Variants in ELFN2 observed in about 807,000 individuals in gnomAD.
ELFN2 encodes the protein protein phosphatase 1 regulatory subunit 29.
Under a neutral mutation model 45.5 loss-of-function variants are expected in ELFN2, and 17 were observed. The ratio of observed to expected loss-of-function variants is 0.37; its 90% CI spans 0.26 to 0.56. ELFN2 has a LOEUF of 0.56. Ranked by LOEUF, ELFN2 falls within the 20% of genes least tolerant of loss-of-function variation. The pLI, the probability that ELFN2 is intolerant of heterozygous loss-of-function variation, is 0.77. For synonymous variants in ELFN2, 550 were observed against 551.5 expected, an observed-to-expected ratio of 1.00 and a Z score of 0.04; for missense variants, 922 against 1,183.2, an observed-to-expected ratio of 0.78 and a Z score of 3.24.
chr22:37,369,369 C>G lies in ELFN2; in HGVS notation c.*3703G>C, dbSNP rs1297105472. On this transcript the variant is annotated 3_prime_UTR_variant, in exon 3 of 3. Transcript: ENST00000402918. The stretch of plus-strand genomic sequence containing the variant: ...TCTCTTTACTCCCACCCTCCTCGCT[C>G]CCCTGACAGCCCTTTTCCCAGACCT... The G allele has an allele frequency of 6.6e-6, 1 of 152,424 alleles. No individual in the cohort carries two copies. The highest frequency in any genetic ancestry group is 1.5e-5 in the Non-Finnish European group (1 of 68,210). The allele number at this position is 152,424 out of a possible 1,614,324, so 9.4% of individuals were successfully genotyped here.
At chr22:37,358,172 C>T (rs554254729) in intron 1 of ELFN2, among the ~76,000 whole-genome samples, 2 of 152,210 alleles carry the variant, frequency 1.3e-5, no homozygotes, top group Admixed American at 6.5e-5. Flanking sequence ...CAGGCCAGAC[C>T]CCGTGATCCT....
At chr22:37,418,244 G>A (rs1000606849) in intron 1 of ELFN2, among the ~76,000 whole-genome samples, 1 of 152,058 alleles carries the variant, frequency 6.6e-6, no homozygotes, top group Non-Finnish European at 1.5e-5. Context: ...CTGAGATGGA[G>A]AGATGGGGCA....
intron 1 of ELFN2, among the ~76,000 whole-genome samples, chr22:37,423,836 G>A (rs1318504798): frequency 2.0e-5 from 3 of 152,100 alleles, no homozygotes; most frequent in Non-Finnish European, 2.9e-5. Context: ...GCAGAGCTAG[G>A]GGGAAGGAGA....
intron 2 of ELFN2, among the ~76,000 whole-genome samples, chr22:37,403,484 G>C (rs1174094549): frequency 6.6e-6 from 1 of 152,208 alleles, no homozygotes; most frequent in African/African-American, 2.4e-5. Flanking sequence ...TGGGCAACAG[G>C]ACTAATTAAT....
intron 2 of ELFN2, among the ~76,000 whole-genome samples, chr22:37,412,365 G>A (rs1211191654): frequency 6.6e-6 from 1 of 151,066 alleles, no homozygotes; most frequent in African/African-American, 2.4e-5. Context: ...TCCACCCTCA[G>A]ACTGGGGCTC....
Position 37,396,020 on chromosome 22 carries a change from G to A in ELFN2, c.-462-20024C>T, listed in dbSNP as rs1028676851. On this transcript the variant is annotated intron_variant, in intron 2 of 2. Transcript: ENST00000402918. ...GCACCTCTGAGGACCCGCTACCACC[G>A]GAGGGCTGGAGACCCCCGGAAGGGG... Among the ~76,000 whole-genome samples, 20 of 152,164 alleles carry A rather than the reference G, an allele frequency of 1.3e-4. No homozygotes were observed. The South Asian group carries it at 1.4e-3, about 11-fold the overall frequency.
At position 37,373,520 on chromosome 22, in the gene ELFN2, C is replaced by G. The variant is rs1931449844; in HGVS notation, c.2015G>C (p.Ser672Thr). 6.4e-7 allele frequency: 1 copy of G among 1,565,712 alleles called. No homozygotes were observed. The highest frequency in any genetic ancestry group is 8.6e-7 in the Non-Finnish European group (1 of 1,157,738). ...CACCAGCGGGAGCCGGTCCAGCGGG[C>G]TGTTGAGGGGGCTGCCCTTCTCGAT... Reference protein sequence around the residue: ...KYIEKGSPLNSPLDRLPLVPA... With the variant: ...KYIEKGSPLNTPLDRLPLVPA... Residue 672 changes from serine to threonine, a missense_variant, in exon 3 of 3, where the codon AGC becomes ACC. By Grantham distance (58) the Ser-to-Thr change is moderately conservative. Around this residue, in one of 2 missense-constraint regions of ELFN2, gnomAD observed 564 missense variants for 642.8 expected, o/e 0.88. Transcript: ENST00000402918.
chr22:37,374,126 A>G lies in ELFN2; in HGVS notation c.1409T>C (p.Met470Thr). The change falls in exon 3 of 3, where the codon ATG (methionine) becomes ACG (threonine). Residue 470 changes from methionine to threonine, a missense_variant. Around this residue, in one of 2 missense-constraint regions of ELFN2, gnomAD observed 564 missense variants for 642.8 expected, o/e 0.88. Coordinates refer to ENST00000402918, the MANE Select transcript of ELFN2 (RefSeq NM_052906.5). ...CCCGATCATGGAGGGGATGGAGGCC[A>G]TGCGAGATACGGGCAGCACGGGAGG... Reference protein sequence around the residue: ...GEPPVLPVSRMASIPSMIGEK... With the variant: ...GEPPVLPVSRTASIPSMIGEK... 6.2e-7 allele frequency: 1 copy of G among 1,613,058 alleles called. No homozygotes were observed. Among genetic ancestry groups the G allele is most frequent in the Non-Finnish European group, 8.5e-7 (1 of 1,180,016 alleles).
In ELFN2 at chr22:37,374,366, C is replaced by T. The variant is rs753471390; in HGVS notation, c.1169G>A (p.Ser390Asn). 8.1e-6 allele frequency: 13 copies of T among 1,614,020 alleles called. No homozygotes were observed. Among genetic ancestry groups the T allele is most frequent in the Middle Eastern group, 1.6e-4 (1 of 6,062 alleles). ...GATGTAGTGGGTGGTGGTGGAGGTG[C>T]TGGGCGCCAAGTCTCCGGGGACGGG... ...RDPVPGDLAP[S>N]TSTTTHYIMT... The change falls in exon 3 of 3, where the codon AGC (serine) becomes AAC (asparagine). Residue 390 changes from serine (S) to asparagine (N), a missense_variant. This residue lies in a region of ELFN2 where 564 missense variants were observed against 642.8 expected (regional missense o/e 0.88). Coordinates refer to ENST00000402918, the MANE Select transcript of ELFN2 (RefSeq NM_052906.5).
chr22:37,408,903 G>A (rs1158997887), intron 2 of ELFN2, among the ~76,000 whole-genome samples: 1 of 152,202 alleles, frequency 6.6e-6, no homozygotes. Context: ...ATGGTGTGTT[G>A]ATATAAGGAA....
intron 2 of ELFN2, among the ~76,000 whole-genome samples, chr22:37,387,650 G>A (rs535551331): frequency 2.2e-3 from 330 of 152,172 alleles, no homozygotes; most frequent in African/African-American, 7.7e-3. Context: ...CCTTCTTCCT[G>A]GGCTGGGGAC....
intron 2 of ELFN2, among the ~76,000 whole-genome samples, chr22:37,403,312 C>G (rs1458009879): frequency 6.6e-6 from 1 of 152,108 alleles, no homozygotes. Context: ...CCTAGACATC[C>G]CTACCACCAC....
At chr22:37,363,491 G>A (rs1179085992), downstream of ELFN2, among the ~76,000 whole-genome samples, 2 of 152,114 alleles carry the variant, frequency 1.3e-5, no homozygotes, top group South Asian at 2.1e-4. Flanking sequence ...CGGGGAGGAC[G>A]GAAGATGCGC....
intron 1 of ELFN2, among the ~76,000 whole-genome samples, chr22:37,350,730 A>T (rs1429489288): frequency 1.3e-5 from 2 of 150,274 alleles, no homozygotes; most frequent in Non-Finnish European, 3.0e-5. Context: ...AGTGCCAGGT[A>T]TCCCTGCTCC....
chr22:37,352,456 A>G (rs1203547375), intron 1 of ELFN2: 1 of 150,906 alleles, frequency 6.6e-6, no homozygotes, highest in Non-Finnish European at 1.5e-5. Flanking sequence ...AACAAAATAG[A>G]AAAATAGCTC....
chr22:37,422,956 G>A (rs1270530604), intron 1 of ELFN2, among the ~76,000 whole-genome samples: 2 of 143,992 alleles, frequency 1.4e-5, no homozygotes, highest in East Asian at 2.0e-4. Flanking sequence ...GGGGGGGGGG[G>A]GAAGTGACTT....
intron 2 of ELFN2, among the ~76,000 whole-genome samples, chr22:37,390,885 G>A (rs1337412679): frequency 6.6e-6 from 1 of 152,186 alleles, no homozygotes; most frequent in African/African-American, 2.4e-5. Context: ...GGAGGCCCTG[G>A]AGGCCCAGGC....
At chr22:37,382,652 C>T (rs1931822497) in intron 2 of ELFN2, among the ~76,000 whole-genome samples, 1 of 148,398 alleles carries the variant, frequency 6.7e-6, no homozygotes, top group African/African-American at 2.5e-5. Context: ...AGGGCTCAAG[C>T]AATTCTCGTG....
At chr22:37,358,879 A>G (rs1164276835) in intron 1 of ELFN2, among the ~76,000 whole-genome samples, 3 of 152,198 alleles carry the variant, frequency 2.0e-5, no homozygotes, top group African/African-American at 7.2e-5. Context: ...AGTCAGTATG[A>G]GATGAGGGGA....
Sources: gnomAD v4.1 joint callset for allele counts (sites outside exome capture counted in the v4.1 genomes callset) on GRCh38, gnomAD v4.1.1 for gene constraint, gnomAD v4.1.1 regional missense constraint, MANE v1.5 for transcripts, NCBI Gene and HGNC (gene_info 2026-07-23, HGNC 2026-07-21) for gene names.